Variants in ANKS1B observed in about 807,000 individuals in gnomAD.
ANKS1B encodes ankyrin repeat and sterile alpha motif domain containing 1B.
Under a neutral mutation model 148.3 loss-of-function variants are expected in ANKS1B, and 36 were observed. The ratio of observed to expected loss-of-function variants is 0.24; its 90% CI spans 0.19 to 0.32. ANKS1B has a LOEUF of 0.32. ANKS1B is among the 10% of genes least tolerant of loss of function. The probability of loss-of-function intolerance (pLI) is 1.00; values close to 1 mark genes in which losing one functional copy is unlikely to be tolerated. For synonymous variants in ANKS1B, 542 were observed against 560.8 expected, an observed-to-expected ratio of 0.97 and a Z score of 0.47; for missense variants, 1,157 against 1,542.6, an observed-to-expected ratio of 0.75 and a Z score of 4.19.
intron 12 of ANKS1B, among the ~76,000 whole-genome samples, chr12:99,309,387 C>G (rs56204136): frequency 0.04 from 6,024 of 151,856 alleles, 374 homozygotes; most frequent in African/African-American, 0.13. Context: ...AATCTGTTGT[C>G]ATTAATAGTT....
At chr12:99,082,859 T>C (rs2050294280) in intron 16 of ANKS1B, among the ~76,000 whole-genome samples, 1 of 152,164 alleles carries the variant, frequency 6.6e-6, no homozygotes. Flanking sequence ...TTCATGGATT[T>C]GTTGAGTGCT....
rs553847028 is a variant in ANKS1B, at chr12:98,885,228, A to G, written c.2779-53092T>C. Among the ~76,000 whole-genome samples, 9 of 152,296 alleles carry G rather than the reference A, an allele frequency of 5.9e-5. No homozygotes were observed. The South Asian group carries it at 1.4e-3, about 25-fold the overall frequency. ...AAAAAGAGTAAACATTAGTAAAATG[A>G]AAAAAAGAAGTTCCAACAGTAACCA... On this transcript the variant is annotated intron_variant, in intron 17 of 26. Coordinates refer to ENST00000683438, the MANE Select transcript of ANKS1B (RefSeq NM_001352186.2).
Position 98,744,665 on chromosome 12 carries a change from C to T in ANKS1B, c.*1074G>A. 2 of 929,866 alleles carry T rather than the reference C, an allele frequency of 2.2e-6. No individual in the cohort carries two copies. Among genetic ancestry groups the T allele is most frequent in the South Asian group, 1.0e-4 (2 of 20,054 alleles). 57.6% of individuals were successfully genotyped at this position (929,866 alleles called of 1,614,324 possible). A position where few individuals can be genotyped will look rare whatever the true frequency, so the allele number is the denominator to read the frequency against. On this transcript the variant is annotated 3_prime_UTR_variant, in exon 27 of 27. Coordinates refer to ENST00000683438, the MANE Select transcript of ANKS1B (RefSeq NM_001352186.2). ...GTTTGTCTCAAGAAAAGTTTTATTA[C>T]TTTGGAATTTCTTCTTTTTTTTTTT...
intron 12 of ANKS1B, among the ~76,000 whole-genome samples, chr12:99,336,774 T>C (rs79849596): frequency 6.7e-6 from 1 of 149,046 alleles, no homozygotes; most frequent in African/African-American, 2.4e-5. Context: ...AACTTGGATA[T>C]ACTATTCAAG....
downstream of ANKS1B, among the ~76,000 whole-genome samples, chr12:98,742,182 A>AAGTT (rs1158318262): frequency 6.6e-6 from 1 of 152,208 alleles, no homozygotes; most frequent in African/African-American, 2.4e-5. Flanking sequence ...TGTCTGAACC[A>AAGTT]AGTTAGGAGC....
intron 17 of ANKS1B, among the ~76,000 whole-genome samples, chr12:98,979,050 G>A (rs544954691): frequency 4.6e-5 from 7 of 151,846 alleles, no homozygotes; most frequent in African/African-American, 1.7e-4. Flanking sequence ...GCTGAGGCAG[G>A]AGAATGGCGT....
At chr12:99,636,739 C>A (rs1318689302) in intron 9 of ANKS1B, among the ~76,000 whole-genome samples, 2 of 152,148 alleles carry the variant, frequency 1.3e-5, no homozygotes, top group Non-Finnish European at 2.9e-5. Flanking sequence ...CAATTTTCCA[C>A]TGCTCTGTGC....
intron 12 of ANKS1B, among the ~76,000 whole-genome samples, chr12:99,288,764 C>G (rs2079497702): frequency 6.6e-6 from 1 of 152,002 alleles, no homozygotes; most frequent in Non-Finnish European, 1.5e-5. Context: ...AACCCTACAA[C>G]AGGTATAAAA....
intron 2 of ANKS1B, among the ~76,000 whole-genome samples, chr12:99,824,235 C>T (rs1015943298): frequency 6.6e-6 from 1 of 152,114 alleles, no homozygotes; most frequent in Non-Finnish European, 1.5e-5. Flanking sequence ...GAGGGCCAGG[C>T]GTGGTAGCTC....
chr12:99,121,314 T>G (rs111737390), intron 15 of ANKS1B, among the ~76,000 whole-genome samples: 1 of 136,372 alleles, frequency 7.3e-6, no homozygotes, highest in Non-Finnish European at 1.5e-5. Context: ...AGTGTGTGTA[T>G]GTAGGTATGT....
At chr12:99,751,393 C>T (rs563776000) in intron 8 of ANKS1B, among the ~76,000 whole-genome samples, 1 of 151,954 alleles carries the variant, frequency 6.6e-6, no homozygotes, top group South Asian at 2.1e-4. Flanking sequence ...AGAAAACTAC[C>T]ATAAAATAAC....
intron 10 of ANKS1B, among the ~76,000 whole-genome samples, chr12:99,475,256 A>G (rs1040019818): frequency 1.4e-5 from 2 of 140,678 alleles, no homozygotes; most frequent in Non-Finnish European, 1.6e-5. Context: ...AAAAAAAAAG[A>G]AAAAAAAAAA....
chr12:98,922,158 T>C (rs1471309529), intron 17 of ANKS1B, among the ~76,000 whole-genome samples: 2 of 152,224 alleles, frequency 1.3e-5, no homozygotes, highest in Admixed American at 1.3e-4. Context: ...TTTAGAGTTT[T>C]CTGTAATTTT....
intron 2 of ANKS1B, among the ~76,000 whole-genome samples, chr12:99,812,569 AGAGAGAG>A (rs2068558193): frequency 1.4e-5 from 2 of 146,048 alleles, no homozygotes; most frequent in South Asian, 4.4e-4. Context: ...AGAGAGAGAG[AGAGAGAG>A]AAAGAGAGCG....
chr12:99,801,383 C>A (rs546267877), intron 4 of ANKS1B, among the ~76,000 whole-genome samples: 11 of 152,070 alleles, frequency 7.2e-5, no homozygotes, highest in Non-Finnish European at 1.6e-4. Flanking sequence ...CAAAAGAAAA[C>A]GGTGGTTCAA....
chr12:99,644,993 C>T (rs146926696), intron 9 of ANKS1B, among the ~76,000 whole-genome samples: 2 of 152,278 alleles, frequency 1.3e-5, no homozygotes, highest in East Asian at 1.9e-4. Flanking sequence ...GGACCCCCAA[C>T]GTAATCCAGA....
In ANKS1B at chr12:99,077,739, G is replaced by A. The variant is rs997860808; in HGVS notation, c.2625+7186C>T. On this transcript the variant is annotated intron_variant, in intron 16 of 26. Transcript: ENST00000683438. Reference sequence around the variant, plus strand: ...CTCTTGAAGATGCTAGTTCTTTCAAGGTCCTTAAAATTATCTTCATAGAAT... The same window carrying A: ...CTCTTGAAGATGCTAGTTCTTTCAAAGTCCTTAAAATTATCTTCATAGAAT... 5.3e-5 allele frequency among the ~76,000 whole-genome samples: 8 copies of A among 152,206 alleles called. No homozygotes were observed. In the East Asian group the frequency reaches 1.5e-3, roughly 29 times the overall value.
chr12:99,167,396 T>C (rs2077294686), intron 14 of ANKS1B, among the ~76,000 whole-genome samples: 1 of 151,908 alleles, frequency 6.6e-6, no homozygotes, highest in Non-Finnish European at 1.5e-5. Flanking sequence ...ATTAAGAAAA[T>C]AAATCAATTT....
chr12:99,326,736 GT>G (rs1167538299), intron 12 of ANKS1B, among the ~76,000 whole-genome samples: 1 of 150,938 alleles, frequency 6.6e-6, no homozygotes, highest in Non-Finnish European at 1.5e-5. Context: ...ACTTTTTGAA[GT>G]CCCCTTGTTT....
Sources: allele counts gnomAD v4.1 joint callset (sites outside exome capture counted in the v4.1 genomes callset), GRCh38; gene constraint gnomAD v4.1.1; transcripts MANE v1.5; gene names NCBI Gene and HGNC (gene_info 2026-07-23, HGNC 2026-07-21).